Variants in NBAS observed in about 807,000 individuals in gnomAD.
The protein encoded by NBAS is NBAS subunit of NRZ tethering complex.
Under a neutral mutation model 302.5 loss-of-function variants are expected in NBAS, and 219 were observed. The ratio of observed to expected loss-of-function variants is 0.72; its 90% CI spans 0.65 to 0.81. NBAS has a LOEUF of 0.81. Among genes scored for constraint, NBAS ranks in the 30% least tolerant of loss-of-function variants. The pLI, the probability that NBAS is intolerant of heterozygous loss-of-function variation, is 0.00. For synonymous variants in NBAS, 1,118 were observed against 1,021.6 expected, an observed-to-expected ratio of 1.09 and a Z score of -1.80; for missense variants, 2,932 against 2,841.6, an observed-to-expected ratio of 1.03 and a Z score of -0.72.
At chr2:15,250,010 T>C (rs973431579) in intron 44 of NBAS, among the ~76,000 whole-genome samples, 1 of 152,054 alleles carries the variant, frequency 6.6e-6, no homozygotes, top group African/African-American at 2.4e-5. Flanking sequence ...GCCAAGACAA[T>C]CCTAAGCAAA....
At chr2:15,031,625 C>G in the NBAS span, among the ~76,000 whole-genome samples, 1 of 152,146 alleles carries the variant, frequency 6.6e-6, no homozygotes, top group East Asian at 1.9e-4. Context: ...CAACTCCAGC[C>G]TAGTAAGAGG....
chr2:15,357,209 A>G (rs1673662376), intron 32 of NBAS, among the ~76,000 whole-genome samples: 1 of 152,214 alleles, frequency 6.6e-6, no homozygotes, highest in Non-Finnish European at 1.5e-5. Context: ...TGAGGTTCCA[A>G]CATAAGTAAA....
At chr2:14,957,278 CGTGTGTGTGTGTGT>C in the NBAS span, among the ~76,000 whole-genome samples, 1 of 147,484 alleles carries the variant, frequency 6.8e-6, no homozygotes, top group Non-Finnish European at 1.5e-5. Flanking sequence ...TATACATATA[CGTGTGTGTGTGTGT>C]GTGTGTGTGT....
At chr2:15,541,400 A>G (rs1455633652) in intron 6 of NBAS, among the ~76,000 whole-genome samples, 1 of 152,188 alleles carries the variant, frequency 6.6e-6, no homozygotes, top group African/African-American at 2.4e-5. Flanking sequence ...CAGGACTACC[A>G]ATGAAATGTG....
the NBAS span, among the ~76,000 whole-genome samples, chr2:14,805,512 G>A: frequency 3.3e-5 from 5 of 152,178 alleles, no homozygotes; most frequent in Admixed American, 3.3e-4. Flanking sequence ...TTTTAAGTAG[G>A]AAACTGATAT....
chr2:15,280,947 A>G (rs549743562), intron 42 of NBAS, among the ~76,000 whole-genome samples: 16 of 152,276 alleles, frequency 1.1e-4, no homozygotes, highest in African/African-American at 3.6e-4. Flanking sequence ...TGAATACGTG[A>G]TTTCTCAAGG....
At chr2:15,341,564 CAA>C (rs1558550540) in intron 35 of NBAS, among the ~76,000 whole-genome samples, 1 of 151,600 alleles carries the variant, frequency 6.6e-6, no homozygotes, top group Admixed American at 6.6e-5. Flanking sequence ...AGATAAAAAA[CAA>C]AAATGTATTG....
At chr2:14,902,301 T>G in the NBAS span, among the ~76,000 whole-genome samples, 2 of 152,100 alleles carry the variant, frequency 1.3e-5, no homozygotes, top group African/African-American at 2.4e-5. Flanking sequence ...TCAGCTAATT[T>G]TTGCATTTTT....
At chr2:15,167,356 G>A (rs1483473849) in intron 51 of NBAS, 33 bp from the exon 52 acceptor site, 2 of 1,613,020 alleles carry the variant, frequency 1.2e-6, no homozygotes, top group African/African-American at 2.7e-5. Context: ...AGCGTGAGGG[G>A]GTGTTTGCTT....
the NBAS span, among the ~76,000 whole-genome samples, chr2:14,991,233 C>T: frequency 6.6e-6 from 1 of 151,884 alleles, no homozygotes; most frequent in Non-Finnish European, 1.5e-5. Flanking sequence ...AACCAACAAC[C>T]CTTTCTCCAT....
chr2:15,010,851 A>G, the NBAS span, among the ~76,000 whole-genome samples: 334 of 152,330 alleles, frequency 2.2e-3, 1 homozygote, highest in Non-Finnish European at 4.1e-3. Context: ...CCCACTTTCC[A>G]CGTGCAGATT....
the NBAS span, among the ~76,000 whole-genome samples, chr2:15,133,851 G>A: frequency 6.6e-6 from 1 of 152,124 alleles, no homozygotes; most frequent in Non-Finnish European, 1.5e-5. Flanking sequence ...GGAAGGAAAA[G>A]ATCTTCCTGA....
chr2:14,790,589 T>A, the NBAS span, among the ~76,000 whole-genome samples: 1 of 151,910 alleles, frequency 6.6e-6, no homozygotes, highest in Non-Finnish European at 1.5e-5. Flanking sequence ...TAGGATGCTG[T>A]ATCCAAGCCA....
chr2:15,264,732 A>G (rs965573192), intron 44 of NBAS, among the ~76,000 whole-genome samples: 34 of 152,200 alleles, frequency 2.2e-4, no homozygotes, highest in African/African-American at 8.0e-4. Context: ...TGTGTCTGTT[A>G]AAATGGTGAC....
In NBAS at chr2:15,424,310, C is replaced by G; in HGVS notation, c.2577+5G>C. The G allele has an allele frequency of 6.2e-7, 1 of 1,614,040 alleles. No homozygotes were observed. Among genetic ancestry groups the G allele is most frequent in the Non-Finnish European group, 8.5e-7 (1 of 1,179,934 alleles). On this transcript the variant is annotated splice_donor_5th_base_variant and intron_variant, in intron 23 of 51. Coordinates refer to ENST00000281513, the MANE Select transcript of NBAS (RefSeq NM_015909.4). ...TACTGAGCAGCAGCTGCCATTTCCC[C>G]TCACCTGCCGAGCATAATGCTCTAT...
intron 10 of NBAS, among the ~76,000 whole-genome samples, chr2:15,509,442 A>G (rs1324945108): frequency 6.6e-6 from 1 of 152,226 alleles, no homozygotes; most frequent in Non-Finnish European, 1.5e-5. Context: ...AAGCTGTTCT[A>G]CACATACAAA....
chr2:14,799,605 T>C, the NBAS span, among the ~76,000 whole-genome samples: 1 of 152,270 alleles, frequency 6.6e-6, no homozygotes, highest in East Asian at 1.9e-4. Flanking sequence ...AATTGAGTAG[T>C]CTATATCCTC....
chr2:15,035,798 A>T, the NBAS span, among the ~76,000 whole-genome samples: 1 of 152,308 alleles, frequency 6.6e-6, no homozygotes, highest in East Asian at 1.9e-4. Context: ...GTGAGAACAC[A>T]TGGACACAAG....
chr2:15,192,347 C>T (rs1439202713), intron 48 of NBAS, among the ~76,000 whole-genome samples: 1 of 151,062 alleles, frequency 6.6e-6, no homozygotes. Context: ...AATGGACATA[C>T]ATATGAATGA....
Sources: allele counts gnomAD v4.1 joint callset (sites outside exome capture counted in the v4.1 genomes callset), GRCh38; gene constraint gnomAD v4.1.1; transcripts MANE v1.5; gene names NCBI Gene and HGNC (gene_info 2026-07-23, HGNC 2026-07-21).